Variants in TTLL11 observed in about 807,000 individuals in gnomAD.
The protein encoded by TTLL11 is tubulin polyglutamylase TTLL11.
Under a neutral mutation model 51.7 loss-of-function variants are expected in TTLL11, and 42 were observed. The observed-to-expected ratio is 0.81, with a 90% CI of 0.64 to 1.05. The LOEUF (loss-of-function observed/expected upper bound fraction) is 1.05, where lower values mean the gene tolerates loss of function less well. Among genes scored for constraint, TTLL11 ranks in the 50% least tolerant of loss-of-function variants. TTLL11 has a pLI of 0.00. For synonymous variants in TTLL11, 381 were observed against 383.5 expected, an observed-to-expected ratio of 0.99 and a Z score of 0.08; for missense variants, 799 against 940.4, an observed-to-expected ratio of 0.85 and a Z score of 1.97.
intron 8 of TTLL11, among the ~76,000 whole-genome samples, chr9:121,825,006 C>T (rs1836705231): frequency 6.6e-6 from 1 of 152,194 alleles, no homozygotes; most frequent in Non-Finnish European, 1.5e-5. Flanking sequence ...AGACATCCTA[C>T]AAGGGCGCTG....
At chr9:121,997,579 C>T (rs959413421) in intron 3 of TTLL11, among the ~76,000 whole-genome samples, 18 of 152,160 alleles carry the variant, frequency 1.2e-4, no homozygotes, top group Non-Finnish European at 2.5e-4. Flanking sequence ...GCAGAGAGGG[C>T]GTGGGCTTCG....
chr9:121,883,753 A>C (rs149922054), intron 6 of TTLL11, among the ~76,000 whole-genome samples: 1 of 152,326 alleles, frequency 6.6e-6, no homozygotes, highest in African/African-American at 2.4e-5. Flanking sequence ...CTAAATGTTT[A>C]GTTATCAAGG....
chr9:121,928,184 C>A (rs551900619), intron 6 of TTLL11, among the ~76,000 whole-genome samples: 18 of 152,150 alleles, frequency 1.2e-4, no homozygotes, highest in Non-Finnish European at 2.6e-4. Context: ...TTCAGAACCA[C>A]CTGTCAATCA....
At chr9:121,875,806 T>A (rs60251983) in intron 6 of TTLL11, among the ~76,000 whole-genome samples, 3,562 of 152,316 alleles carry the variant, frequency 0.023, 122 homozygotes, top group African/African-American at 0.08. Flanking sequence ...GATAATTTTT[T>A]TAAAACTGAA....
intron 8 of TTLL11, among the ~76,000 whole-genome samples, chr9:121,828,326 C>G (rs763037215): frequency 9.2e-5 from 14 of 151,942 alleles, no homozygotes; most frequent in Non-Finnish European, 1.6e-4. Flanking sequence ...GCATGCACCA[C>G]TATACCTGGC....
chr9:122,080,635 G>A (rs963760412), intron 1 of TTLL11, among the ~76,000 whole-genome samples: 3 of 152,114 alleles, frequency 2.0e-5, no homozygotes, highest in Admixed American at 1.3e-4. Flanking sequence ...CAAGGGTGCA[G>A]TGAGCTATGT....
intron 8 of TTLL11, among the ~76,000 whole-genome samples, chr9:121,836,648 T>A (rs946868176): frequency 1.3e-5 from 2 of 152,196 alleles, no homozygotes; most frequent in African/African-American, 4.8e-5. Context: ...CCTGGCTGAC[T>A]CCTCAATGTG....
At chr9:122,020,607 G>GGA (rs1229185800) in intron 3 of TTLL11, among the ~76,000 whole-genome samples, 8 of 152,242 alleles carry the variant, frequency 5.3e-5, no homozygotes, top group African/African-American at 1.9e-4. Context: ...TGGACTATAT[G>GGA]CTTGTGTTCC....
rs1843049290 is a variant in TTLL11 at position 121,989,648 on chromosome 9, C to G, written c.816G>C (p.Gly272=). The G allele has an allele frequency of 2.5e-6, 4 of 1,614,112 alleles. No individual in the cohort carries two copies. The highest frequency in any genetic ancestry group is 3.4e-6 in the Non-Finnish European group (4 of 1,180,040). ...IKDPSDIRLA[G]TLQSRPAVVQ... ...CCACCGCTGGCCTGCTCTGGAGGGTCCCTGCCAGGCGGATGTCACTGGGGT... is the reference window on the plus strand; with the variant it reads ...CCACCGCTGGCCTGCTCTGGAGGGTGCCTGCCAGGCGGATGTCACTGGGGT... The change falls in exon 4 of 9, where the codon GGG becomes GGC. Residue 272 remains glycine, a synonymous_variant. Transcript: ENST00000321582. This position sits in a 1 kb window ranked among gnomAD's most constrained non-coding sequence, Gnocchi z 4.2.
At chr9:121,867,343 A>G (rs1382495007) in intron 7 of TTLL11, among the ~76,000 whole-genome samples, 1 of 152,156 alleles carries the variant, frequency 6.6e-6, no homozygotes, top group African/African-American at 2.4e-5. Context: ...TAGACACGGG[A>G]TGTGCTCTCC....
At chr9:121,824,821 C>G (rs1836701559) in intron 8 of TTLL11, among the ~76,000 whole-genome samples, 1 of 152,128 alleles carries the variant, frequency 6.6e-6, no homozygotes, top group Non-Finnish European at 1.5e-5. Flanking sequence ...CATTATTTAC[C>G]TGCTTCTGGC....
intron 3 of TTLL11, among the ~76,000 whole-genome samples, chr9:122,001,090 A>T (rs148433753): frequency 1.4e-3 from 217 of 151,818 alleles, no homozygotes; most frequent in African/African-American, 4.9e-3. Flanking sequence ...TGTGTGCAAC[A>T]CTGTTTTTTG....
At chr9:121,986,363 A>C (rs1842941468) in intron 4 of TTLL11, among the ~76,000 whole-genome samples, 1 of 152,176 alleles carries the variant, frequency 6.6e-6, no homozygotes, top group African/African-American at 2.4e-5. Flanking sequence ...TGATAGTCCT[A>C]GAATAGCTGT....
chr9:122,016,731 C>T (rs889268198), intron 3 of TTLL11, among the ~76,000 whole-genome samples: 18 of 152,272 alleles, frequency 1.2e-4, no homozygotes, highest in African/African-American at 4.3e-4. Context: ...CTCCAAGAAA[C>T]TGCAAAACAT....
Position 121,826,557 on chromosome 9 carries a change from G to GTATATATA in TTLL11, c.1841-3686_1841-3679dup, listed in dbSNP as rs1171227988. 1.0e-3 allele frequency among the ~76,000 whole-genome samples: 52 copies of GTATATATA among 51,340 alleles called. 1 individual carries two copies. The highest frequency in any genetic ancestry group is 2.7e-3 in the African/African-American group (39 of 14,196). The allele number at this position is 51,340 out of a possible 152,430, so 33.7% of individuals were successfully genotyped here. Reference sequence around the variant, plus strand: ...TGTGTGTATATATATATATGTGTGTGTATATATATATATATATATATATAT... The same window carrying GTATATATA: ...TGTGTGTATATATATATATGTGTGTGTATATATATATATATATATATATATATATATAT... On this transcript the variant is annotated intron_variant, in intron 8 of 8. Transcript: ENST00000321582.
chr9:121,956,851 G>T (rs80226608), intron 6 of TTLL11, among the ~76,000 whole-genome samples: 2,079 of 152,318 alleles, frequency 0.014, 46 homozygotes, highest in African/African-American at 0.048. Flanking sequence ...TAACGTTTGG[G>T]AAGCACCCAG....
chr9:121,850,855 G>T lies in TTLL11; in HGVS notation c.1840+9482C>A, dbSNP rs150870848. On this transcript the variant is annotated intron_variant, in intron 8 of 8. Coordinates refer to ENST00000321582, the MANE Select transcript of TTLL11 (RefSeq NM_001139442.2). ...TCACGTCCTTGGTAATTGCCCAATC[G>T]TGCTACAAACTTATGTCCACACAAA... 2.0e-5 allele frequency among the ~76,000 whole-genome samples: 3 copies of T among 152,224 alleles called. No individual in the cohort carries two copies. The East Asian group carries it at 5.8e-4, about 29-fold the overall frequency.
At chr9:121,962,063 A>C (rs1435518261) in intron 6 of TTLL11, among the ~76,000 whole-genome samples, 1 of 152,194 alleles carries the variant, frequency 6.6e-6, no homozygotes, top group African/African-American at 2.4e-5. Flanking sequence ...CCCATAAAAA[A>C]GGAGAAAAAT....
rs1836482686 is a variant in TTLL11 at position 121,818,671 on chromosome 9, CTGTT to C, written c.*3912_*3915del. On this transcript the variant is annotated 3_prime_UTR_variant, in exon 9 of 9. Coordinates refer to ENST00000321582, the MANE Select transcript of TTLL11 (RefSeq NM_001139442.2). Reference sequence around the variant, plus strand: ...GACACTGGAACTGAACCTTGAAAGTCTGTTTGCCACTGGGCAGAGGAAGGCCATT... The same window carrying C: ...GACACTGGAACTGAACCTTGAAAGTCTGCCACTGGGCAGAGGAAGGCCATT... 6.6e-6 allele frequency: 1 copy of C among 152,400 alleles called. No individual in the cohort carries two copies. The highest frequency in any genetic ancestry group is 2.4e-5 in the African/African-American group (1 of 41,472). 9.4% of individuals were successfully genotyped at this position (152,400 alleles called of 1,614,324 possible). A position where few individuals can be genotyped will look rare whatever the true frequency, so the allele number is the denominator to read the frequency against.
Sources: allele counts gnomAD v4.1 joint callset (sites outside exome capture counted in the v4.1 genomes callset), GRCh38; gene constraint gnomAD v4.1.1; non-coding constraint Gnocchi (gnomAD v3.1); transcripts MANE v1.5; gene names NCBI Gene and HGNC (gene_info 2026-07-23, HGNC 2026-07-21).